The following CAPZB variants were observed in gnomAD, a reference collection of about 807,000 sequenced individuals.
CAPZB encodes F-actin-capping protein subunit beta.
In CAPZB, 2 loss-of-function variants were observed where a neutral mutation model predicts 38.1. The observed-to-expected ratio is 0.05, with a 90% CI of 0.02 to 0.17. The LOEUF is 0.17. Ranked by LOEUF, CAPZB falls within the 10% of genes least tolerant of loss-of-function variation. CAPZB has a pLI of 1.00. For missense variants in CAPZB, 161 were observed against 334.2 expected, an observed-to-expected ratio of 0.48 and a Z score of 4.04; for synonymous variants, 107 against 127.4, an observed-to-expected ratio of 0.84 and a Z score of 1.08.
chr1:19,430,780 C>T (rs1266549835), intron 1 of CAPZB, among the ~76,000 whole-genome samples: 1 of 152,158 alleles, frequency 6.6e-6, no homozygotes, highest in African/African-American at 2.4e-5. Flanking sequence ...CTGAAGCTTC[C>T]AAGCAGCTCT....
At chr1:19,438,338 A>G (rs1472569) in intron 1 of CAPZB, among the ~76,000 whole-genome samples, 151,768 of 152,268 alleles carry the variant, frequency 1, 75,635 homozygotes, top group Middle Eastern at 1. Context: ...GGCTTAGCGT[A>G]CTTCGATAAT....
intron 8 of CAPZB, among the ~76,000 whole-genome samples, chr1:19,340,841 A>G (rs886518936): frequency 6.6e-6 from 1 of 152,218 alleles, no homozygotes; most frequent in African/African-American, 2.4e-5. Flanking sequence ...TGTAGGTTTT[A>G]TAACAGTTTA....
intron 1 of CAPZB, among the ~76,000 whole-genome samples, chr1:19,466,474 C>T (rs192275274): frequency 6.6e-6 from 1 of 152,288 alleles, no homozygotes; most frequent in East Asian, 1.9e-4. Context: ...TTCCTCACGG[C>T]GCAGGTGATG....
intron 2 of CAPZB, 25 bp from the exon 3 acceptor site, chr1:19,385,651 G>A (rs756629065): frequency 1.1e-5 from 18 of 1,613,956 alleles, no homozygotes; most frequent in Admixed American, 5.0e-5. Flanking sequence ...GGACAAGGTC[G>A]AAACAGAGGT....
At chr1:19,376,315 A>C (rs574491136) in intron 4 of CAPZB, among the ~76,000 whole-genome samples, 1 of 152,222 alleles carries the variant, frequency 6.6e-6, no homozygotes, top group African/African-American at 2.4e-5. Context: ...TCAAGGGGGA[A>C]CTTTCCACTT....
chr1:19,475,434 C>G (rs2050826), intron 1 of CAPZB, among the ~76,000 whole-genome samples: 134,162 of 152,262 alleles, frequency 0.88, 60,776 homozygotes, highest in East Asian at 1. Context: ...ACCATGTGCA[C>G]AGCGTTCAGT....
chr1:19,484,211 A>C, intron 1 of CAPZB: 7 of 1,612,488 alleles, frequency 4.3e-6, no homozygotes, highest in Non-Finnish European at 5.9e-6. Flanking sequence ...GACTTCCATA[A>C]TCAGCAGTTC....
At chr1:19,463,026 A>G (rs1270882904) in intron 1 of CAPZB, among the ~76,000 whole-genome samples, 2 of 152,232 alleles carry the variant, frequency 1.3e-5, no homozygotes, top group African/African-American at 2.4e-5. Context: ...CAAAGAGAAG[A>G]TATCATTAAT....
chr1:19,401,473 T>C (rs534763241), intron 2 of CAPZB, among the ~76,000 whole-genome samples: 24 of 151,788 alleles, frequency 1.6e-4, no homozygotes, highest in African/African-American at 5.8e-4. Context: ...GTTCGAATTT[T>C]GCCTGACACT....
intron 1 of CAPZB, among the ~76,000 whole-genome samples, chr1:19,482,677 C>T (rs6664461): frequency 0.35 from 53,319 of 152,116 alleles, 9,739 homozygotes; most frequent in Middle Eastern, 0.43. Context: ...TCATGGAATT[C>T]ATTCCAAAGT....
intron 1 of CAPZB, among the ~76,000 whole-genome samples, chr1:19,440,547 A>G (rs1004276039): frequency 6.6e-6 from 1 of 152,128 alleles, no homozygotes; most frequent in Non-Finnish European, 1.5e-5. Context: ...GGCAACCACT[A>G]GATTCAAAGC....
At chr1:19,429,057 A>G (rs763917879) in intron 1 of CAPZB, among the ~76,000 whole-genome samples, 10 of 152,234 alleles carry the variant, frequency 6.6e-5, no homozygotes, top group South Asian at 2.1e-4. Flanking sequence ...TTTTTACACA[A>G]TGCAAATGAT....
intron 4 of CAPZB, among the ~76,000 whole-genome samples, chr1:19,373,743 G>A (rs971317776): frequency 1.3e-5 from 2 of 151,634 alleles, no homozygotes; most frequent in Admixed American, 1.3e-4. Flanking sequence ...CAGGCTGAGT[G>A]TATGATGGCA....
chr1:19,416,860 C>CAAAAAAAAAAAAAAAAAAAA (rs59789230), intron 2 of CAPZB, among the ~76,000 whole-genome samples: 18 of 69,442 alleles, frequency 2.6e-4, no homozygotes, highest in African/African-American at 9.5e-4. Flanking sequence ...GACCCTGTCT[C>CAAAAAAAAAAAAAAAAAAAA]AAAAAAAAAA....
At chr1:19,451,904 C>T (rs941697115) in intron 1 of CAPZB, among the ~76,000 whole-genome samples, 3 of 152,004 alleles carry the variant, frequency 2.0e-5, no homozygotes, top group African/African-American at 2.4e-5. Context: ...AATAATAATG[C>T]TATGAAGCAA....
intron 1 of CAPZB, among the ~76,000 whole-genome samples, chr1:19,445,972 T>C (rs1354398690): frequency 2.0e-5 from 3 of 152,150 alleles, no homozygotes; most frequent in East Asian, 1.9e-4. Flanking sequence ...CAAGAGCACA[T>C]GGTAAGACCC....
At chr1:19,472,697 C>T (rs1243972510) in intron 1 of CAPZB, among the ~76,000 whole-genome samples, 6 of 146,200 alleles carry the variant, frequency 4.1e-5, no homozygotes, top group Non-Finnish European at 5.9e-5. Context: ...AACTACTGCG[C>T]TTTCATTCTT....
At chr1:19,412,601 A>C (rs1174893327) in intron 2 of CAPZB, among the ~76,000 whole-genome samples, 2 of 152,198 alleles carry the variant, frequency 1.3e-5, no homozygotes, top group Non-Finnish European at 2.9e-5. Flanking sequence ...TTTTTAAATA[A>C]GACAAAACAT....
At chr1:19,435,915 A>G (rs1010957435) in intron 1 of CAPZB, among the ~76,000 whole-genome samples, 6 of 152,230 alleles carry the variant, frequency 3.9e-5, no homozygotes, top group African/African-American at 1.4e-4. Context: ...TTGAGTCACA[A>G]GTGAGGAAGG....
Sources: allele counts gnomAD v4.1 joint callset (sites outside exome capture counted in the v4.1 genomes callset), GRCh38; gene constraint gnomAD v4.1.1; transcripts MANE v1.5; gene names NCBI Gene and HGNC (gene_info 2026-07-23, HGNC 2026-07-21).